GRID2: variants seen among roughly 807,000 people sequenced by gnomAD.
GRID2 encodes the protein glutamate receptor ionotropic, delta-2.
Under a neutral mutation model 114.8 loss-of-function variants are expected in GRID2, and 33 were observed. The observed-to-expected ratio is 0.29, with a 90% CI of 0.22 to 0.38. The LOEUF (loss-of-function observed/expected upper bound fraction) is 0.38. Ranked by LOEUF, GRID2 falls within the 10% of genes least tolerant of loss-of-function variation. The pLI, the probability that GRID2 is intolerant of heterozygous loss-of-function variation, is 1.00. For missense variants in GRID2, 1,184 were observed against 1,257.7 expected (o/e 0.94, Z 0.89); for synonymous variants, 505 against 449.9 (o/e 1.12, Z -1.55).
At chr4:93,523,810 T>C (rs1412707054) in intron 13 of GRID2, among the ~76,000 whole-genome samples, 1 of 152,144 alleles carries the variant, frequency 6.6e-6, no homozygotes, top group East Asian at 1.9e-4. Flanking sequence ...AGATAGCAGC[T>C]GATGCATGCT....
At chr4:92,323,333 T>G (rs1355018512) in intron 1 of GRID2, among the ~76,000 whole-genome samples, 1 of 152,130 alleles carries the variant, frequency 6.6e-6, no homozygotes. Context: ...TATAAGATAT[T>G]GTCTTGCATT....
At chr4:92,717,120 T>A (rs1235534104) in intron 2 of GRID2, among the ~76,000 whole-genome samples, 1 of 152,156 alleles carries the variant, frequency 6.6e-6, no homozygotes, top group Non-Finnish European at 1.5e-5. Flanking sequence ...GCAATGTGAA[T>A]GAGGGGAGGG....
At chr4:92,757,114 G>T (rs984180606) in intron 2 of GRID2, among the ~76,000 whole-genome samples, 5 of 152,034 alleles carry the variant, frequency 3.3e-5, no homozygotes, top group Non-Finnish European at 7.4e-5. Flanking sequence ...AGTCATTTTA[G>T]TGGATTATTG....
chr4:92,696,359 C>T (rs1000839856), intron 2 of GRID2, among the ~76,000 whole-genome samples: 9 of 151,972 alleles, frequency 5.9e-5, no homozygotes, highest in East Asian at 1.9e-4. Flanking sequence ...GGGTAAAACG[C>T]GAATATATAT....
chr4:92,805,338 A>G (rs1464412269), intron 2 of GRID2, among the ~76,000 whole-genome samples: 1 of 151,984 alleles, frequency 6.6e-6, no homozygotes, highest in Non-Finnish European at 1.5e-5. Context: ...TATTGTTCCC[A>G]ACACCAAAAT....
intron 12 of GRID2, among the ~76,000 whole-genome samples, chr4:93,491,506 A>G (rs911424106): frequency 6.6e-6 from 1 of 151,884 alleles, no homozygotes; most frequent in African/African-American, 2.4e-5. Context: ...GTTTCATGCT[A>G]TAAGATCAAC....
chr4:92,566,584 C>T, intron 1 of GRID2, among the ~76,000 whole-genome samples: 1 of 151,880 alleles, frequency 6.6e-6, no homozygotes, highest in East Asian at 1.9e-4. Context: ...TCTCTATGCT[C>T]CTTACTGTAC....
chr4:92,655,795 A>C (rs1471153078), intron 2 of GRID2, among the ~76,000 whole-genome samples: 3 of 151,844 alleles, frequency 2.0e-5, no homozygotes, highest in Non-Finnish European at 4.4e-5. Context: ...GTCATCTACA[A>C]AGAGGGATAA....
chr4:93,738,060 A>G (rs568640448), intron 14 of GRID2, among the ~76,000 whole-genome samples: 1 of 152,288 alleles, frequency 6.6e-6, no homozygotes, highest in South Asian at 2.1e-4. Flanking sequence ...GAAAGTTTTC[A>G]GAGTAGTCCA....
intron 2 of GRID2, among the ~76,000 whole-genome samples, chr4:92,640,751 A>ATG (rs1731302387): frequency 6.6e-6 from 1 of 151,904 alleles, no homozygotes; most frequent in Non-Finnish European, 1.5e-5. Context: ...TAATATATAT[A>ATG]AAATGAGGGA....
intron 2 of GRID2, among the ~76,000 whole-genome samples, chr4:92,969,970 T>C (rs1049586266): frequency 6.6e-5 from 10 of 151,956 alleles, no homozygotes; most frequent in Non-Finnish European, 8.8e-5. Context: ...TCAGTCAGAT[T>C]TTTTAATTTT....
chr4:92,493,377 C>A (rs1723241871), intron 1 of GRID2, among the ~76,000 whole-genome samples: 1 of 152,170 alleles, frequency 6.6e-6, no homozygotes, highest in Non-Finnish European at 1.5e-5. Flanking sequence ...GCATCACCAT[C>A]AGCTTAGTAG....
intron 1 of GRID2, among the ~76,000 whole-genome samples, chr4:92,337,612 A>G (rs1263171841): frequency 6.6e-6 from 1 of 152,202 alleles, no homozygotes; most frequent in Non-Finnish European, 1.5e-5. Context: ...GAAGTGAGCA[A>G]GAGAGGAGCT....
intron 14 of GRID2, among the ~76,000 whole-genome samples, chr4:93,746,800 A>G (rs1731876736): frequency 6.6e-6 from 1 of 152,126 alleles, no homozygotes; most frequent in African/African-American, 2.4e-5. Flanking sequence ...TATAATGATT[A>G]AAATAAACTT....
At chr4:93,509,710 C>T (rs902063387) in intron 12 of GRID2, among the ~76,000 whole-genome samples, 37 of 152,284 alleles carry the variant, frequency 2.4e-4, no homozygotes, top group African/African-American at 8.7e-4. Context: ...GGTCAGTTGG[C>T]AGTACCTCTT....
At chr4:93,802,097 C>T (rs746930547) in intron 1 of GRID2, among the ~76,000 whole-genome samples, 24 of 152,194 alleles carry the variant, frequency 1.6e-4, no homozygotes, top group Admixed American at 3.3e-4. Flanking sequence ...CTTATGTTTC[C>T]GATTCCTGGG....
chr4:93,069,183 C>T (rs903803778), intron 2 of GRID2, among the ~76,000 whole-genome samples: 4 of 151,768 alleles, frequency 2.6e-5, no homozygotes, highest in African/African-American at 7.3e-5. Context: ...TACATTTCAA[C>T]ATTAGTTTTG....
At chr4:93,795,751 T>C (rs1734783548) in intron 1 of GRID2, among the ~76,000 whole-genome samples, 1 of 152,252 alleles carries the variant, frequency 6.6e-6, no homozygotes, top group Non-Finnish European at 1.5e-5. Flanking sequence ...AATATGTGTA[T>C]AATGCTACAG....
chr4:93,523,801 G>T (rs1730569889), intron 13 of GRID2, among the ~76,000 whole-genome samples: 1 of 152,154 alleles, frequency 6.6e-6, no homozygotes, highest in African/African-American at 2.4e-5. Context: ...GGCTGGGAAA[G>T]ATAGCAGCTG....
Sources: allele counts gnomAD v4.1 joint callset (sites outside exome capture counted in the v4.1 genomes callset), GRCh38; gene constraint gnomAD v4.1.1; transcripts MANE v1.5; gene names NCBI Gene and HGNC (gene_info 2026-07-23, HGNC 2026-07-21).